The following VSX2 variants were observed in gnomAD, a reference collection of about 807,000 sequenced individuals.
VSX2 encodes visual system homeobox 2.
VSX2 carries 28 observed loss-of-function variants against 32.1 expected under a neutral mutation model. That is an observed-to-expected ratio of 0.87 (90% CI 0.65 to 1.20). The LOEUF (loss-of-function observed/expected upper bound fraction) is 1.20. Among genes scored for constraint, VSX2 ranks in the 50% most tolerant of loss-of-function variants. The pLI is 0.00. For missense variants in VSX2, 506 were observed against 488.7 expected, an observed-to-expected ratio of 1.04 and a Z score of -0.33; for synonymous variants, 243 against 214.1, an observed-to-expected ratio of 1.14 and a Z score of -1.18.
At chr14:74,242,351 T>C (rs73309205) in intron 2 of VSX2, among the ~76,000 whole-genome samples, 15,975 of 152,144 alleles carry the variant, frequency 0.1, 1,755 homozygotes, top group African/African-American at 0.27. Context: ...CTAATTTGTT[T>C]TCAGCCTCTT....
chr14:74,257,931 A>T (rs2139644705), intron 3 of VSX2, among the ~76,000 whole-genome samples: 1 of 152,192 alleles, frequency 6.6e-6, no homozygotes, highest in Non-Finnish European at 1.5e-5. Context: ...ATTTTTTTTT[A>T]ATGTGCTAAC....
chr14:74,253,035 T>G, intron 3 of VSX2, among the ~76,000 whole-genome samples: 2 of 119,058 alleles, frequency 1.7e-5, no homozygotes, highest in African/African-American at 3.5e-5. Flanking sequence ...GGTGGCAGAG[T>G]GAGACTCCAT....
At chr14:74,254,880 C>T (rs946902310) in intron 3 of VSX2, among the ~76,000 whole-genome samples, 7 of 149,344 alleles carry the variant, frequency 4.7e-5, no homozygotes, top group African/African-American at 9.9e-5. Context: ...CCTGGGTTCA[C>T]GCCATTCTCC....
chr14:74,257,309 T>C (rs10137199), intron 3 of VSX2, among the ~76,000 whole-genome samples: 142,336 of 152,294 alleles, frequency 0.93, 66,688 homozygotes, highest in East Asian at 1. Context: ...TCTCCCAGGG[T>C]GGTCAGGTCC....
chr14:74,245,236 A>G lies in VSX2; in HGVS notation c.527A>G (p.Tyr176Cys), dbSNP rs1594754650. The G allele has an allele frequency of 1.2e-6, 2 of 1,613,746 alleles. No homozygotes were observed. Among genetic ancestry groups the G allele is most frequent in the South Asian group, 1.1e-5 (1 of 91,040 alleles). Residue 176 changes from tyrosine to cysteine, a missense_variant, in exon 3 of 5, where the codon TAT (tyrosine) becomes TGT (cysteine). Tyr to Cys is a radical substitution (Grantham distance 194). Transcript: ENST00000261980. ...AFNEAHYPDVYAREMLAMKTE... is the reference protein window; with the variant it reads ...AFNEAHYPDVCAREMLAMKTE... ...AACGAAGCCCACTACCCAGACGTCT[A>G]TGCCCGGGAGATGCTGGCCATGAAA...
Position 74,244,495 on chromosome 14 carries a change from T to G in VSX2, c.456-670T>G, listed in dbSNP as rs1419416322. On this transcript the variant is annotated intron_variant, in intron 2 of 4. Transcript: ENST00000261980. Reference sequence around the variant, plus strand: ...GGGGGGAGTTGAGGGAGTGGGAGATTCAGTTCTCTGCTGTATAAACACTGA... The same window carrying G: ...GGGGGGAGTTGAGGGAGTGGGAGATGCAGTTCTCTGCTGTATAAACACTGA... Among the ~76,000 whole-genome samples, 4 of 151,932 alleles carry G rather than the reference T, an allele frequency of 2.6e-5. No homozygotes were observed. The East Asian group carries it at 7.7e-4, about 29-fold the overall frequency.
At position 74,261,034 on chromosome 14, in the gene VSX2, TC is replaced by T; in HGVS notation, c.*119del. On this transcript the variant is annotated 3_prime_UTR_variant, in exon 5 of 5. Transcript: ENST00000261980. ...ACCTGGCCTCTGCCATCCTCCCTGT[TC>T]CCCACAGGTCCTCCATCACCCCTGG... is the stretch of plus-strand genomic sequence containing the variant. The T allele has an allele frequency of 8.1e-7, 1 of 1,234,012 alleles. No homozygotes were observed. The highest frequency in any genetic ancestry group is 1.4e-5 in the South Asian group (1 of 73,048). The allele number at this position is 1,234,012 out of a possible 1,614,324, so 76.4% of individuals were successfully genotyped here.
chr14:74,258,497 G>A (rs963348814), intron 3 of VSX2, among the ~76,000 whole-genome samples: 5 of 152,014 alleles, frequency 3.3e-5, no homozygotes, highest in African/African-American at 1.2e-4. Context: ...CTCCCCTCCC[G>A]ACTCCCTCGA....
Position 74,239,784 on chromosome 14 carries a change from G to A in VSX2, c.223G>A (p.Gly75Ser), listed in dbSNP as rs1156822431. The A allele has an allele frequency of 1.3e-6, 2 of 1,560,766 alleles. No individual in the cohort carries two copies. The highest frequency in any genetic ancestry group is 4.7e-5 in the East Asian group (2 of 42,376). The change falls in exon 1 of 5, where the codon GGC becomes AGC. Residue 75 changes from glycine (G) to serine (S), a missense_variant. By Grantham distance (56) the Gly-to-Ser change is moderately conservative (BLOSUM62 0). Coordinates refer to ENST00000261980, the MANE Select transcript of VSX2 (RefSeq NM_182894.3). ...RSVLSPAGVG[G>S]MGLLGPGGLP... ...AGTGCTCAGCCCCGCGGGGGTGGGC[G>A]GCATGGGGCTTCTGGGGCCCGGGGG...
At chr14:74,260,022 G>A (rs140228697) in intron 4 of VSX2, among the ~76,000 whole-genome samples, 93 of 152,270 alleles carry the variant, frequency 6.1e-4, no homozygotes, top group African/African-American at 2.2e-3. Flanking sequence ...GTCCCTAACT[G>A]TGGATTATTT....
chr14:74,244,371 G>A (rs2024243), intron 2 of VSX2, among the ~76,000 whole-genome samples: 4 of 151,826 alleles, frequency 2.6e-5, no homozygotes, highest in South Asian at 4.2e-4. Flanking sequence ...CCCTTCCCTT[G>A]TCAGCACAGA....
At chr14:74,257,380 A>AG (rs1236144750) in intron 3 of VSX2, among the ~76,000 whole-genome samples, 1 of 152,234 alleles carries the variant, frequency 6.6e-6, no homozygotes, top group East Asian at 1.9e-4. Flanking sequence ...CGGGAACTGC[A>AG]GGTGCCAAAC....
intron 3 of VSX2, among the ~76,000 whole-genome samples, chr14:74,250,868 C>G (rs144635715): frequency 0.017 from 2,546 of 151,776 alleles, 79 homozygotes; most frequent in Admixed American, 0.085. Context: ...AGGATAGTCT[C>G]GATCTCTTGA....
Position 74,261,070 on chromosome 14 carries a change from G to C in VSX2, c.*151G>C. Reference sequence around the variant, plus strand: ...CCTCCATCACCCCTGGTGGCTGCAGGCACCGCTGGGTTCTGACTCTGGACC... The same window carrying C: ...CCTCCATCACCCCTGGTGGCTGCAGCCACCGCTGGGTTCTGACTCTGGACC... On this transcript the variant is annotated 3_prime_UTR_variant, in exon 5 of 5. Coordinates refer to ENST00000261980, the MANE Select transcript of VSX2 (RefSeq NM_182894.3). The C allele has an allele frequency of 8.0e-6, 7 of 877,158 alleles. No individual in the cohort carries two copies. Among genetic ancestry groups the C allele is most frequent in the Non-Finnish European group, 1.2e-5 (7 of 570,996 alleles). 54.3% of individuals were successfully genotyped at this position (877,158 alleles called of 1,614,324 possible).
At chr14:74,241,291 T>A in intron 2 of VSX2, 25 bp downstream of exon 2, 1 of 1,607,940 alleles carries the variant, frequency 6.2e-7, no homozygotes, top group Middle Eastern at 1.7e-4. Flanking sequence ...TTCTGTTACC[T>A]CTCCTGCCCG....
Position 74,245,222 on chromosome 14 carries a change from C to A in VSX2, c.513C>A (p.His171Gln), listed in dbSNP as rs1426781359. Residue 171 changes from histidine to glutamine, a missense_variant, in exon 3 of 5, where the codon CAC (histidine) becomes CAA (glutamine). By Grantham distance (24) the His-to-Gln change is conservative. Coordinates refer to ENST00000261980, the MANE Select transcript of VSX2 (RefSeq NM_182894.3). The part of the protein sequence containing the change: ...EELEKAFNEA[H>Q]YPDVYAREML... ...TGGAGAAGGCATTCAACGAAGCCCA[C>A]TACCCAGACGTCTATGCCCGGGAGA... The A allele has an allele frequency of 1.9e-6, 3 of 1,613,784 alleles. No homozygotes were observed. Among genetic ancestry groups the A allele is most frequent in the Admixed American group, 1.7e-5 (1 of 59,976 alleles).
intron 3 of VSX2, among the ~76,000 whole-genome samples, chr14:74,250,338 C>T (rs1253502510): frequency 6.6e-6 from 1 of 152,066 alleles, no homozygotes; most frequent in African/African-American, 2.4e-5. Context: ...TCCAGACTGA[C>T]TTAATTTCCT....
chr14:74,258,004 G>A (rs866474639), intron 3 of VSX2, among the ~76,000 whole-genome samples: 8 of 152,182 alleles, frequency 5.3e-5, no homozygotes, highest in Admixed American at 1.3e-4. Context: ...ATCTGCCGCC[G>A]AGCCCGCATG....
At chr14:74,247,514 A>G (rs544103148) in intron 3 of VSX2, among the ~76,000 whole-genome samples, 1 of 152,290 alleles carries the variant, frequency 6.6e-6, no homozygotes, top group East Asian at 1.9e-4. Flanking sequence ...GTCAGATCTG[A>G]TCTTATTAAG....
Sources: gnomAD v4.1 joint callset for allele counts (sites outside exome capture counted in the v4.1 genomes callset) on GRCh38, gnomAD v4.1.1 for gene constraint, MANE v1.5 for transcripts, NCBI Gene and HGNC (gene_info 2026-07-23, HGNC 2026-07-21) for gene names.